Variants in MAF observed in about 807,000 individuals in gnomAD.
The protein encoded by MAF is transcription factor Maf.
A neutral mutation model predicts 22.0 loss-of-function variants in MAF; 10 were observed. That is an observed-to-expected ratio of 0.45 (90% CI 0.28 to 0.77). The LOEUF (loss-of-function observed/expected upper bound fraction) is 0.77, where lower values mean the gene tolerates loss of function less well. Ranked by LOEUF, MAF falls within the 30% of genes least tolerant of loss-of-function variation. The pLI, the probability that MAF is intolerant of heterozygous loss-of-function variation, is 0.12. For synonymous variants in MAF, 337 were observed against 255.8 expected (o/e 1.32, Z -3.03); for missense variants, 544 against 548.4 (o/e 0.99, Z 0.08).
chr16:79,358,772 T>A, the MAF span, among the ~76,000 whole-genome samples: 1 of 152,192 alleles, frequency 6.6e-6, no homozygotes, highest in East Asian at 1.9e-4. Context: ...TCTCCAATGT[T>A]AAAGCCCCAG....
At chr16:79,552,740 G>C in the MAF span, among the ~76,000 whole-genome samples, 1 of 152,080 alleles carries the variant, frequency 6.6e-6, no homozygotes, top group African/African-American at 2.4e-5. Flanking sequence ...CACTGGATTT[G>C]CTACCACCAG....
chr16:79,535,403 T>A, the MAF span, among the ~76,000 whole-genome samples: 1 of 150,834 alleles, frequency 6.6e-6, no homozygotes, highest in Non-Finnish European at 1.5e-5. Flanking sequence ...ACTTGCCACT[T>A]CTGCTTGTTT....
At chr16:79,462,882 TAAAC>T in the MAF span, among the ~76,000 whole-genome samples, 1 of 152,338 alleles carries the variant, frequency 6.6e-6, no homozygotes, top group East Asian at 1.9e-4. Flanking sequence ...AAATAGGTAA[TAAAC>T]AAATGAAATA....
chr16:79,337,089 T>A, the MAF span, among the ~76,000 whole-genome samples: 2 of 152,166 alleles, frequency 1.3e-5, no homozygotes, highest in East Asian at 3.9e-4. Flanking sequence ...AACCCTGCAA[T>A]TGTGCAATAA....
At chr16:79,403,543 T>A in the MAF span, among the ~76,000 whole-genome samples, 1 of 152,072 alleles carries the variant, frequency 6.6e-6, no homozygotes, top group Admixed American at 6.6e-5. Context: ...TGCTCATCCT[T>A]CTCTTTGCCT....
rs1597847120 is a variant in MAF, at chr16:79,598,722, C to A, written c.1118+63G>T. On this transcript the variant is annotated intron_variant, in intron 1 of 1. Coordinates refer to ENST00000326043, the MANE Select transcript of MAF (RefSeq NM_005360.5). ...GGCTCTAGAACTAGCAAGCCCACAC[C>A]CGAGCCGGACCCCCGCGGAGCACTT... The A allele has an allele frequency of 5.0e-6, 8 of 1,607,810 alleles. No homozygotes were observed. The East Asian group carries it at 1.8e-4, about 36-fold the overall frequency.
chr16:79,377,134 C>T, the MAF span, among the ~76,000 whole-genome samples: 1 of 152,114 alleles, frequency 6.6e-6, no homozygotes. Flanking sequence ...GTTTACAGTC[C>T]CACCAACGGT....
At chr16:79,430,006 A>T in the MAF span, among the ~76,000 whole-genome samples, 4 of 152,104 alleles carry the variant, frequency 2.6e-5, no homozygotes, top group Non-Finnish European at 5.9e-5. Context: ...TCTACCCTGG[A>T]GTTCTGGGCT....
At chr16:79,474,616 C>G in the MAF span, among the ~76,000 whole-genome samples, 55,765 of 152,002 alleles carry the variant, frequency 0.37, 11,859 homozygotes, top group Middle Eastern at 0.49. Context: ...GGGTTCAAAT[C>G]ACAGCGTTGG....
chr16:79,350,464 T>C, the MAF span, among the ~76,000 whole-genome samples: 69 of 152,292 alleles, frequency 4.5e-4, no homozygotes, highest in Middle Eastern at 3.4e-3. Context: ...GTCCACCAAA[T>C]CATTTTCTTT....
the MAF span, among the ~76,000 whole-genome samples, chr16:79,351,828 C>A: frequency 6.6e-6 from 1 of 152,106 alleles, no homozygotes; most frequent in Non-Finnish European, 1.5e-5. Flanking sequence ...CAACACATTG[C>A]TGGGAAATGT....
chr16:79,552,931 C>T, the MAF span, among the ~76,000 whole-genome samples: 6 of 152,188 alleles, frequency 3.9e-5, no homozygotes, highest in African/African-American at 1.4e-4. Flanking sequence ...TTCAACTTGG[C>T]GGCAATAGCA....
the MAF span, among the ~76,000 whole-genome samples, chr16:79,347,163 G>C: frequency 6.6e-6 from 1 of 152,326 alleles, no homozygotes; most frequent in African/African-American, 2.4e-5. Context: ...AATCTGTGCA[G>C]CCACACAGAA....
chr16:79,349,947 T>G, the MAF span, among the ~76,000 whole-genome samples: 1 of 152,198 alleles, frequency 6.6e-6, no homozygotes, highest in South Asian at 2.1e-4. Flanking sequence ...TATGGCACCC[T>G]TCAAAAGTCT....
chr16:79,382,077 C>T, the MAF span, among the ~76,000 whole-genome samples: 1 of 152,186 alleles, frequency 6.6e-6, no homozygotes, highest in Non-Finnish European at 1.5e-5. Flanking sequence ...ACATTTCTTA[C>T]AGGGGAGCTT....
chr16:79,530,949 G>T, the MAF span, among the ~76,000 whole-genome samples: 1 of 152,184 alleles, frequency 6.6e-6, no homozygotes, highest in African/African-American at 2.4e-5. Flanking sequence ...CCCTGGGTGG[G>T]GAGAGGCCCA....
At chr16:79,450,727 A>G in the MAF span, among the ~76,000 whole-genome samples, 1 of 152,160 alleles carries the variant, frequency 6.6e-6, no homozygotes. Context: ...ATGGAGATGG[A>G]GATGGAGAGT....
At chr16:79,441,209 T>C in the MAF span, among the ~76,000 whole-genome samples, 1 of 152,188 alleles carries the variant, frequency 6.6e-6, no homozygotes, top group African/African-American at 2.4e-5. Flanking sequence ...CCATTACAAA[T>C]TGAACCACAG....
chr16:79,268,137 C>T, the MAF span, among the ~76,000 whole-genome samples: 15 of 152,120 alleles, frequency 9.9e-5, no homozygotes, highest in Admixed American at 2.0e-4. Flanking sequence ...AGAGTGGCCT[C>T]GTTGCTTCTG....
Sources: allele counts gnomAD v4.1 joint callset (sites outside exome capture counted in the v4.1 genomes callset), GRCh38; gene constraint gnomAD v4.1.1; transcripts MANE v1.5; gene names NCBI Gene and HGNC (gene_info 2026-07-23, HGNC 2026-07-21).